Variants in ITGA4 observed in about 807,000 individuals in gnomAD.
ITGA4 encodes integrin alpha-4.
A neutral mutation model predicts 133.6 loss-of-function variants in ITGA4; 63 were observed. The observed-to-expected ratio is 0.47, with a 90% CI of 0.38 to 0.58. ITGA4 has a LOEUF of 0.58. ITGA4 is among the 20% of genes least tolerant of loss of function. The pLI, the probability that ITGA4 is intolerant of heterozygous loss-of-function variation, is 0.00. For missense variants in ITGA4, 1,076 were observed against 1,252.7 expected, an observed-to-expected ratio of 0.86 and a Z score of 2.13; for synonymous variants, 483 against 438.0, an observed-to-expected ratio of 1.10 and a Z score of -1.28.
In ITGA4 at chr2:181,493,335, C is replaced by T. The variant is rs202012822; in HGVS notation, c.1164C>T (p.Ile388=). 48 of 1,605,606 alleles carry T rather than the reference C, an allele frequency of 3.0e-5. No homozygotes were observed. The highest frequency in any genetic ancestry group is 4.5e-5 in the South Asian group (4 of 89,726). ...IDNDGFEDVA[I]GAPQEDDLQG... Reference sequence around the variant, plus strand: ...TAAATTATTGGATAGATGTTGCTATCGGAGCTCCACAAGAAGATGACTTGC... The same window carrying T: ...TAAATTATTGGATAGATGTTGCTATTGGAGCTCCACAAGAAGATGACTTGC... The change falls in exon 11 of 28, where the codon ATC becomes ATT. Residue 388 remains isoleucine (I), a synonymous_variant. Coordinates refer to ENST00000397033, the MANE Select transcript of ITGA4 (RefSeq NM_000885.6).
rs1396224505 is a variant in ITGA4 at position 181,536,579 on chromosome 2, AG to A, written c.*1053del. Reference sequence around the variant, plus strand: ...TAAGTGTTACCTTACATGGAAACGAAGAAACAAAATTCATAAATTTAAATTC... The same window carrying A: ...TAAGTGTTACCTTACATGGAAACGAAAAACAAAATTCATAAATTTAAATTC... On this transcript the variant is annotated 3_prime_UTR_variant, in exon 28 of 28. Transcript: ENST00000397033. The A allele has an allele frequency of 8.6e-6, 1 of 115,638 alleles. No homozygotes were observed. The highest frequency in any genetic ancestry group is 2.6e-4 in the East Asian group (1 of 3,780). The allele number at this position is 115,638 out of a possible 1,614,324, so 7.2% of individuals were successfully genotyped here. A position where few individuals can be genotyped will look rare whatever the true frequency, so the allele number is the denominator to read the frequency against.
At position 181,537,442 on chromosome 2, in the gene ITGA4, A is replaced by G. The variant is rs200005431; in HGVS notation, c.*1915A>G. 6.7e-6 allele frequency: 3 copies of G among 448,024 alleles called. No individual in the cohort carries two copies. In the East Asian group the frequency reaches 2.1e-4, roughly 31 times the overall value. 27.8% of individuals were successfully genotyped at this position (448,024 alleles called of 1,614,324 possible). On this transcript the variant is annotated 3_prime_UTR_variant, in exon 28 of 28. Transcript: ENST00000397033. ...ATCAACTTACTTTGTTACTTGTATC[A>G]TGAATTTTAAAACCCTACCACTTTA...
intron 14 of ITGA4, 56 bp from the exon 15 acceptor site, chr2:181,498,567 T>C (rs1365336618): frequency 1.8e-6 from 2 of 1,103,582 alleles, no homozygotes; most frequent in Admixed American, 2.1e-5. Context: ...ACTTCAAAAA[T>C]AACAATAGAT....
Position 181,522,229 on chromosome 2 carries a change from T to C in ITGA4, c.1961T>C (p.Met654Thr), listed in dbSNP as rs1367389354. ...ENKTYLAVGS[M>T]KTLMLNVSLF... ...AAAACATATCTTGCTGTTGGGAGTA[T>C]GAAGACATTGATGTTGAATGTGTCC... is the stretch of plus-strand genomic sequence containing the variant. Residue 654 changes from methionine (M) to threonine (T), a missense_variant, in exon 18 of 28, where the codon ATG becomes ACG. Met to Thr is a moderately conservative substitution (Grantham distance 81). Coordinates refer to ENST00000397033, the MANE Select transcript of ITGA4 (RefSeq NM_000885.6). 2 of 1,605,248 alleles carry C rather than the reference T, an allele frequency of 1.2e-6. No homozygotes were observed. The highest frequency in any genetic ancestry group is 1.3e-5 in the African/African-American group (1 of 74,796).
chr2:181,482,312 A>G (rs199607028), intron 7 of ITGA4, 48 bp from the exon 8 acceptor site: 4 of 1,520,662 alleles, frequency 2.6e-6, no homozygotes, highest in Non-Finnish European at 3.5e-6. Flanking sequence ...GTGGTGTTTT[A>G]AAAAATGTTA....
At chr2:181,490,119 T>A (rs1686014957) in intron 10 of ITGA4, among the ~76,000 whole-genome samples, 1 of 152,196 alleles carries the variant, frequency 6.6e-6, no homozygotes, top group Non-Finnish European at 1.5e-5. Context: ...TTCTATACAA[T>A]GTCTGTAATC....
chr2:181,527,492 A>G (rs960528928), intron 22 of ITGA4, 105 bp downstream of exon 22: 2 of 738,420 alleles, frequency 2.7e-6, no homozygotes, highest in Non-Finnish European at 2.4e-6. Flanking sequence ...CAGCCTCTGC[A>G]GACCACAGCT....
rs574266418 is a variant in ITGA4, at chr2:181,527,394, A to G, written c.2430+7A>G. 3 of 1,572,804 alleles carry G rather than the reference A, an allele frequency of 1.9e-6. No individual in the cohort carries two copies. Among genetic ancestry groups the G allele is most frequent in the Admixed American group, 3.3e-5 (2 of 59,922 alleles). ...AATGAACTTAACTTTCCATGTAAGA[A>G]AAGTTAATTGTGTTAATATTTGTAA... On this transcript the variant is annotated splice_region_variant and intron_variant, in intron 22 of 27. Transcript: ENST00000397033.
rs569443764 is a variant in ITGA4 at position 181,517,933 on chromosome 2, T to C, written c.1923-4258T>C. ...GCTTTGGTTACAAGCCAGAATATTT[T>C]ATAAATGTCTATTTCTGGGCAGCTC... On this transcript the variant is annotated intron_variant, in intron 17 of 27. Transcript: ENST00000397033. 2.6e-5 allele frequency among the ~76,000 whole-genome samples: 4 copies of C among 152,228 alleles called. No homozygotes were observed. The South Asian group carries it at 8.3e-4, about 32-fold the overall frequency.
chr2:181,475,867 T>A, intron 4 of ITGA4: 1 of 1,600,418 alleles, frequency 6.2e-7, no homozygotes, highest in African/African-American at 1.3e-5. Context: ...GTGAGCAGAA[T>A]TGGGGTGAAT....
In ITGA4 at chr2:181,523,252, A is replaced by G; in HGVS notation, c.2074-185A>G. 2 of 501,890 alleles carry G rather than the reference A, an allele frequency of 4.0e-6. No individual in the cohort carries two copies. The highest frequency in any genetic ancestry group is 7.2e-6 in the Non-Finnish European group (2 of 276,944). 31.1% of individuals were successfully genotyped at this position (501,890 alleles called of 1,614,324 possible). On this transcript the variant is annotated intron_variant, in intron 18 of 27. Transcript: ENST00000397033. The surrounding 1 kb of genome is among the most constrained non-coding windows in gnomAD (Gnocchi z 4.2). Reference sequence around the variant, plus strand: ...CATACATATATATACACATACATATATACACACATGCACACATATTTATAT... The same window carrying G: ...CATACATATATATACACATACATATGTACACACATGCACACATATTTATAT...
chr2:181,469,970 C>T (rs561309890), intron 2 of ITGA4, among the ~76,000 whole-genome samples: 35 of 151,802 alleles, frequency 2.3e-4, no homozygotes, highest in African/African-American at 4.4e-4. Flanking sequence ...ATGTAAATGA[C>T]GAGTTAATGG....
intron 9 of ITGA4, among the ~76,000 whole-genome samples, chr2:181,485,132 C>G (rs945160120): frequency 6.6e-6 from 1 of 152,152 alleles, no homozygotes; most frequent in Non-Finnish European, 1.5e-5. Flanking sequence ...CAAAGGCCAG[C>G]TTCAATCATG....
At position 181,498,625 on chromosome 2, in the gene ITGA4, T is replaced by C. The variant is rs199515251; in HGVS notation, c.1543T>C (p.Leu515=). 6 of 1,595,246 alleles carry C rather than the reference T, an allele frequency of 3.8e-6. No homozygotes were observed. The highest frequency in any genetic ancestry group is 1.3e-5 in the African/African-American group (1 of 74,146). The change falls in exon 15 of 28, where the codon TTG becomes CTG. Residue 515 remains leucine (L), a splice_region_variant and synonymous_variant. Coordinates refer to ENST00000397033, the MANE Select transcript of ITGA4 (RefSeq NM_000885.6). Reference sequence around the variant, plus strand: ...TGCAATTCTCTATATTTTTGCAGTTTTGTTTTATAACATGAGTTTGGATGT... The same window carrying C: ...TGCAATTCTCTATATTTTTGCAGTTCTGTTTTATAACATGAGTTTGGATGT... The part of the protein sequence containing the change: ...KGKEVPGYIV[L]FYNMSLDVNR...
intron 10 of ITGA4, among the ~76,000 whole-genome samples, chr2:181,488,074 G>A (rs1195444315): frequency 6.6e-6 from 1 of 152,182 alleles, no homozygotes; most frequent in Non-Finnish European, 1.5e-5. Flanking sequence ...GTATATGTAT[G>A]TACACATGAG....
chr2:181,521,846 A>G (rs1295119751), intron 17 of ITGA4, among the ~76,000 whole-genome samples: 4 of 152,226 alleles, frequency 2.6e-5, no homozygotes, highest in Non-Finnish European at 5.9e-5. Context: ...AAGAAAAGAA[A>G]AACTGCTTTG....
chr2:181,493,836 G>A (rs1406775566), intron 11 of ITGA4, among the ~76,000 whole-genome samples: 1 of 152,110 alleles, frequency 6.6e-6, no homozygotes, highest in African/African-American at 2.4e-5. Flanking sequence ...TTTTTTCACT[G>A]TTGAGTAGTA....
rs1288491355 is a variant in ITGA4 at position 181,475,991 on chromosome 2, A to T, written c.556+703A>T. 5 of 1,018,944 alleles carry T rather than the reference A, an allele frequency of 4.9e-6. No individual in the cohort carries two copies. In the African/African-American group the frequency reaches 5.1e-5, roughly 10 times the overall value. 63.1% of individuals were successfully genotyped at this position (1,018,944 alleles called of 1,614,324 possible). ...CATAATTTTCTAACCACCCTCACTC[A>T]AAAAAAATCCCTCAGCACGCAAAGA... On this transcript the variant is annotated intron_variant, in intron 4 of 27. Coordinates refer to ENST00000397033, the MANE Select transcript of ITGA4 (RefSeq NM_000885.6).
rs550072116 is a variant in ITGA4 at position 181,485,829 on chromosome 2, A to G, written c.1042-52A>G. The G allele has an allele frequency of 6.3e-6, 9 of 1,434,962 alleles. No homozygotes were observed. The East Asian group carries it at 1.2e-4, about 18-fold the overall frequency. 88.9% of individuals were successfully genotyped at this position (1,434,962 alleles called of 1,614,324 possible). On this transcript the variant is annotated intron_variant, in intron 9 of 27. Transcript: ENST00000397033. ...ATCCAATTACAACAGTAAATCGTGT[A>G]AAGTTGTCAGGGAGTGTTATAATGA...
Sources: allele counts gnomAD v4.1 joint callset (sites outside exome capture counted in the v4.1 genomes callset), GRCh38; gene constraint gnomAD v4.1.1; non-coding constraint Gnocchi (gnomAD v3.1); transcripts MANE v1.5; gene names NCBI Gene and HGNC (gene_info 2026-07-23, HGNC 2026-07-21).